Variants in IGSF11 observed in about 807,000 individuals in gnomAD.
IGSF11 encodes immunoglobulin superfamily member 11, also known as CXADR like 1.
A neutral mutation model predicts 41.0 loss-of-function variants in IGSF11; 22 were observed. That is an observed-to-expected ratio of 0.54 (90% CI 0.38 to 0.77). The LOEUF is 0.77. Ranked by LOEUF, IGSF11 falls within the 30% of genes least tolerant of loss-of-function variation. IGSF11 has a pLI of 0.00. For synonymous variants in IGSF11, 219 were observed against 201.3 expected, an observed-to-expected ratio of 1.09 and a Z score of -0.74; for missense variants, 444 against 530.8, an observed-to-expected ratio of 0.84 and a Z score of 1.61.
chr3:119,007,688 TC>T (rs1410361110), intron 1 of IGSF11, among the ~76,000 whole-genome samples: 7 of 152,218 alleles, frequency 4.6e-5, no homozygotes, highest in African/African-American at 1.7e-4. Flanking sequence ...TTAACCCATC[TC>T]CCAACCTCTA....
intron 1 of IGSF11, among the ~76,000 whole-genome samples, chr3:119,043,750 C>T (rs1489179243): frequency 6.6e-6 from 1 of 152,110 alleles, no homozygotes; most frequent in Non-Finnish European, 1.5e-5. Flanking sequence ...GCAGGCATTC[C>T]CCAATACCAG....
At chr3:119,019,725 C>T (rs1017921247) in intron 1 of IGSF11, among the ~76,000 whole-genome samples, 3 of 152,122 alleles carry the variant, frequency 2.0e-5, no homozygotes, top group African/African-American at 4.8e-5. Context: ...AATATAAATG[C>T]TCCTCCGTGA....
At chr3:118,952,084 T>C (rs1337251085) in intron 1 of IGSF11, among the ~76,000 whole-genome samples, 1 of 152,178 alleles carries the variant, frequency 6.6e-6, no homozygotes, top group Non-Finnish European at 1.5e-5. Flanking sequence ...ATTTACACTA[T>C]ACTGTAGTCT....
intron 1 of IGSF11, among the ~76,000 whole-genome samples, chr3:119,083,504 TCACACACACACA>T (rs58353612): frequency 3.8e-4 from 57 of 148,702 alleles, no homozygotes; most frequent in Non-Finnish European, 5.8e-4. Flanking sequence ...ACCACAAAGA[TCACACACACACA>T]CACACACACA....
chr3:119,087,158 G>A (rs1201506183), intron 1 of IGSF11, among the ~76,000 whole-genome samples: 3 of 152,124 alleles, frequency 2.0e-5, no homozygotes, highest in African/African-American at 4.8e-5. Flanking sequence ...GGACAATGTG[G>A]AAAATAGTGT....
chr3:119,007,044 T>C (rs374233787), intron 1 of IGSF11, among the ~76,000 whole-genome samples: 34 of 135,382 alleles, frequency 2.5e-4, no homozygotes, highest in African/African-American at 7.2e-4. Flanking sequence ...TGGGCAATGG[T>C]GGGCGCCCCT....
In IGSF11 at chr3:119,034,717, A is replaced by G. The variant is rs906122552; in HGVS notation, c.-135T>C. The G allele has an allele frequency of 6.3e-5, 87 of 1,382,760 alleles. No homozygotes were observed. The highest frequency in any genetic ancestry group is 7.4e-5 in the Non-Finnish European group (79 of 1,064,230). 85.7% of individuals were successfully genotyped at this position (1,382,760 alleles called of 1,614,324 possible). ...AGCGCCGGGCCGCTGTTCCCCGCGC[A>G]GAGCTGGGACTGTCAGACCCACAGA... On this transcript the variant is annotated 5_prime_UTR_variant, in exon 1 of 7. Coordinates refer to ENST00000393775, the MANE Select transcript of IGSF11 (RefSeq NM_001015887.3).
chr3:118,969,308 C>CA (rs1262645356), intron 1 of IGSF11, among the ~76,000 whole-genome samples: 4 of 151,802 alleles, frequency 2.6e-5, no homozygotes, highest in African/African-American at 4.8e-5. Context: ...GGTAGACTGG[C>CA]AAAAAAAGAG....
At chr3:119,007,106 A>T (rs2107685423) in intron 1 of IGSF11, among the ~76,000 whole-genome samples, 1 of 137,564 alleles carries the variant, frequency 7.3e-6, no homozygotes, top group African/African-American at 2.9e-5. Flanking sequence ...CTGTGCTAGC[A>T]ATCAGCGAGA....
intron 3 of IGSF11, among the ~76,000 whole-genome samples, chr3:118,927,562 G>C (rs1942439176): frequency 1.3e-5 from 2 of 152,100 alleles, no homozygotes; most frequent in South Asian, 4.1e-4. Context: ...GGCACCAAAG[G>C]CCGAGGGAAA....
chr3:118,976,603 T>C (rs998239881), intron 1 of IGSF11, among the ~76,000 whole-genome samples: 3 of 152,212 alleles, frequency 2.0e-5, no homozygotes, highest in Non-Finnish European at 2.9e-5. Context: ...CCAGGGAGAC[T>C]AGAGATAGAA....
chr3:118,970,896 T>A (rs1459191293), intron 1 of IGSF11, among the ~76,000 whole-genome samples: 2 of 150,968 alleles, frequency 1.3e-5, no homozygotes, highest in Non-Finnish European at 3.0e-5. Flanking sequence ...AAAAAAAAAA[T>A]GTTTAGCTAA....
chr3:119,074,784 G>A (rs897686868), intron 1 of IGSF11, among the ~76,000 whole-genome samples: 12 of 151,962 alleles, frequency 7.9e-5, no homozygotes, highest in Admixed American at 2.0e-4. Flanking sequence ...CCTGGGAGGC[G>A]GAGCTTGCAG....
intron 1 of IGSF11, among the ~76,000 whole-genome samples, chr3:119,099,717 C>T (rs1252386911): frequency 6.6e-6 from 1 of 152,278 alleles, no homozygotes; most frequent in South Asian, 2.1e-4. Flanking sequence ...GCCTTGAATG[C>T]CATCAAGAAA....
chr3:119,017,194 ACAGGGATAC>A (rs1484275322), intron 1 of IGSF11, among the ~76,000 whole-genome samples: 2 of 152,322 alleles, frequency 1.3e-5, no homozygotes, highest in African/African-American at 4.8e-5. Context: ...TCACTTAATG[ACAGGGATAC>A]CTTCTGAGAA....
intron 1 of IGSF11, among the ~76,000 whole-genome samples, chr3:119,047,519 G>A (rs867137954): frequency 6.6e-6 from 1 of 152,270 alleles, no homozygotes; most frequent in East Asian, 1.9e-4. Context: ...GACCTACAAA[G>A]AGACTTAGAC....
chr3:119,119,291 A>G (rs895030244), intron 1 of IGSF11, among the ~76,000 whole-genome samples: 1 of 152,196 alleles, frequency 6.6e-6, no homozygotes, highest in Non-Finnish European at 1.5e-5. Context: ...AAGCCTCACA[A>G]TCATGGAGGA....
intron 1 of IGSF11, among the ~76,000 whole-genome samples, chr3:119,071,218 A>C: frequency 6.6e-6 from 1 of 152,212 alleles, no homozygotes; most frequent in East Asian, 1.9e-4. Context: ...ATGGGCATAA[A>C]TGACCATGGC....
chr3:119,107,135 T>G (rs555288588), upstream of IGSF11, among the ~76,000 whole-genome samples: 6 of 152,324 alleles, frequency 3.9e-5, no homozygotes, highest in African/African-American at 1.4e-4. Context: ...ATAGTATTTC[T>G]TGTTCTAGAT....
Sources: allele counts gnomAD v4.1 joint callset (sites outside exome capture counted in the v4.1 genomes callset), GRCh38; gene constraint gnomAD v4.1.1; transcripts MANE v1.5; gene names NCBI Gene and HGNC (gene_info 2026-07-23, HGNC 2026-07-21).